The following NOVA2 variants were observed in gnomAD, a reference collection of about 807,000 sequenced individuals.
NOVA2 encodes the protein RNA-binding protein Nova-2.
Under a neutral mutation model 22.5 loss-of-function variants are expected in NOVA2, and 9 were observed. The ratio of observed to expected loss-of-function variants is 0.40; its 90% CI spans 0.24 to 0.70. The LOEUF is 0.70. Ranked by LOEUF, NOVA2 falls within the 30% of genes least tolerant of loss-of-function variation. NOVA2 has a pLI of 0.38. For synonymous variants in NOVA2, 318 were observed against 335.2 expected (o/e 0.95, Z 0.56); for missense variants, 383 against 682.8 (o/e 0.56, Z 4.89).
rs549988242 is a variant in NOVA2, at chr19:45,953,030, G to T, written c.396+750C>A. Reference sequence around the variant, plus strand: ...ATTGCACGGAGTACGCATGCATAGGGGAGTGGGGACGGGAGAGAAAACGGG... The same window carrying T: ...ATTGCACGGAGTACGCATGCATAGGTGAGTGGGGACGGGAGAGAAAACGGG... On this transcript the variant is annotated intron_variant, in intron 3 of 3. Transcript: ENST00000263257. Among the ~76,000 whole-genome samples the T allele has an allele frequency of 3.1e-4, 47 of 152,396 alleles. No homozygotes were observed. In the Middle Eastern group the frequency reaches 0.01, roughly 33 times the overall value.
chr19:45,944,465 AAAAC>A (rs1967808121), intron 3 of NOVA2, among the ~76,000 whole-genome samples: 1 of 152,172 alleles, frequency 6.6e-6, no homozygotes, highest in Non-Finnish European at 1.5e-5. Flanking sequence ...ACAAAAAACA[AAAAC>A]AACAACAAAG....
At chr19:45,956,332 A>C (rs1481337883) in intron 2 of NOVA2, among the ~76,000 whole-genome samples, 1 of 152,118 alleles carries the variant, frequency 6.6e-6, no homozygotes, top group Non-Finnish European at 1.5e-5. Flanking sequence ...CAACTCAGGA[A>C]GTCTTTGACC....
At position 45,973,294 on chromosome 19, in the gene NOVA2, C is replaced by A; in HGVS notation, c.58G>T (p.Val20Phe). ...CCCGTGTTGCTGCGCTTGGTGCAGA[C>A]CACCTCGGGGGGCGTTTCGAGGGGC... ...KRPLETPPEV[V>F]CTKRSNTGEE... The change falls in exon 1 of 4, where the codon GTC becomes TTC. Residue 20 changes from valine to phenylalanine, a missense_variant. By Grantham distance (50) the Val-to-Phe change is conservative. Around this residue, in one of 2 missense-constraint regions of NOVA2, gnomAD observed 349 missense variants for 578.1 expected, o/e 0.60. Transcript: ENST00000263257. 7.2e-7 allele frequency: 1 copy of A among 1,394,154 alleles called. No homozygotes were observed. The highest frequency in any genetic ancestry group is 9.4e-7 in the Non-Finnish European group (1 of 1,065,804). 86.4% of individuals were successfully genotyped at this position (1,394,154 alleles called of 1,614,324 possible).
chr19:45,949,821 A>G (rs1600604339), intron 3 of NOVA2, among the ~76,000 whole-genome samples: 1 of 149,592 alleles, frequency 6.7e-6, no homozygotes, highest in African/African-American at 2.5e-5. Context: ...CCTCACTGCA[A>G]CCTCTGCCTC....
At chr19:45,960,946 A>G (rs1415482359) in intron 2 of NOVA2, 64 bp downstream of exon 2, 2 of 1,493,784 alleles carry the variant, frequency 1.3e-6, no homozygotes, top group South Asian at 2.5e-5. Flanking sequence ...TCTAGGGCCC[A>G]GGTGGGAGGG....
intron 2 of NOVA2, 58 bp from the exon 3 acceptor site, chr19:45,954,004 A>T: frequency 6.4e-7 from 1 of 1,558,148 alleles, no homozygotes; most frequent in South Asian, 1.1e-5. Context: ...AACATTCCTG[A>T]GAGACAGGCC....
chr19:45,959,153 G>A (rs1161952046), intron 2 of NOVA2, among the ~76,000 whole-genome samples: 1 of 152,270 alleles, frequency 6.6e-6, no homozygotes, highest in Non-Finnish European at 1.5e-5. Flanking sequence ...GTCACGCCAG[G>A]AGTGGAGGGA....
chr19:45,953,524 T>C (rs925992542), intron 3 of NOVA2, among the ~76,000 whole-genome samples: 5 of 152,076 alleles, frequency 3.3e-5, no homozygotes, highest in African/African-American at 1.2e-4. Context: ...GATCGAACAA[T>C]AGGGAATCAT....
At chr19:45,964,780 C>T (rs753526938) in intron 1 of NOVA2, among the ~76,000 whole-genome samples, 2 of 152,036 alleles carry the variant, frequency 1.3e-5, no homozygotes, top group Admixed American at 6.6e-5. Flanking sequence ...AGGCTGGTCT[C>T]GAACTCCTGA....
chr19:45,951,998 G>A (rs979139306), intron 3 of NOVA2, among the ~76,000 whole-genome samples: 2 of 152,094 alleles, frequency 1.3e-5, no homozygotes, highest in Non-Finnish European at 2.9e-5. Context: ...CAACCCTCAA[G>A]GCTTTTGTTA....
chr19:45,969,650 A>G (rs1273452216), intron 1 of NOVA2, among the ~76,000 whole-genome samples: 2 of 151,746 alleles, frequency 1.3e-5, no homozygotes, highest in African/African-American at 4.8e-5. Flanking sequence ...AGGTGGGAAT[A>G]TAGTCAGGAG....
At chr19:45,960,142 G>A (rs1968073841) in intron 2 of NOVA2, among the ~76,000 whole-genome samples, 1 of 151,766 alleles carries the variant, frequency 6.6e-6, no homozygotes, top group South Asian at 2.1e-4. Flanking sequence ...GGGTTTGGAG[G>A]AAGGGAAGAA....
Position 45,940,598 on chromosome 19 carries a change from G to A in NOVA2, c.744C>T (p.Ala248=), listed in dbSNP as rs1181356586. The change falls in exon 4 of 4, where the codon GCC becomes GCT. Residue 248 remains alanine, a synonymous_variant. Coordinates refer to ENST00000263257, the MANE Select transcript of NOVA2 (RefSeq NM_002516.4). ...LPAAAAASAA[A]ASGLLGPAGL... Reference sequence around the variant, plus strand: ...CGGCGGGGCCCAGCAGGCCGGAGGCGGCGGCGGCCGACGCTGCGGCCGCGG... The same window carrying A: ...CGGCGGGGCCCAGCAGGCCGGAGGCAGCGGCGGCCGACGCTGCGGCCGCGG... 2.1e-6 allele frequency: 3 copies of A among 1,419,980 alleles called. No homozygotes were observed. Among genetic ancestry groups the A allele is most frequent in the Admixed American group, 3.5e-5 (1 of 28,382 alleles). 88.0% of individuals were successfully genotyped at this position (1,419,980 alleles called of 1,614,324 possible).
intron 1 of NOVA2, among the ~76,000 whole-genome samples, chr19:45,965,558 C>G (rs981087487): frequency 6.6e-6 from 1 of 152,106 alleles, no homozygotes; most frequent in Non-Finnish European, 1.5e-5. Flanking sequence ...GTGAAACTCC[C>G]GTCTCCACTA....
intron 1 of NOVA2, among the ~76,000 whole-genome samples, chr19:45,964,806 C>A (rs935688984): frequency 1.3e-5 from 2 of 152,144 alleles, no homozygotes; most frequent in African/African-American, 4.8e-5. Flanking sequence ...AGGGATCCAA[C>A]TGCCTGGGCC....
intron 3 of NOVA2, among the ~76,000 whole-genome samples, chr19:45,951,114 C>A (rs1967918528): frequency 6.6e-6 from 1 of 152,168 alleles, no homozygotes; most frequent in Non-Finnish European, 1.5e-5. Context: ...CCAGAAGTGG[C>A]AATCTGGTGA....
chr19:45,940,498 C>A lies in NOVA2; in HGVS notation c.844G>T (p.Ala282Ser). 1 of 1,524,920 alleles carries A rather than the reference C, an allele frequency of 6.6e-7. No homozygotes were observed. The highest frequency in any genetic ancestry group is 8.8e-7 in the Non-Finnish European group (1 of 1,136,766). 94.5% of individuals were successfully genotyped at this position (1,524,920 alleles called of 1,614,324 possible). Residue 282 changes from alanine (A) to serine (S), a missense_variant, in exon 4 of 4, where the codon GCG (alanine) becomes TCG (serine). By Grantham distance (99) the Ala-to-Ser change is moderately conservative (BLOSUM62 1). Coordinates refer to ENST00000263257, the MANE Select transcript of NOVA2 (RefSeq NM_002516.4). ...SGTDLLAIST[A>S]LNTLASYGYN... ...CCGTAACTTGCCAGCGTGTTAAGCG[C>A]CGTGCTGATGGCCAGCAGGTCGGTG...
intron 3 of NOVA2, among the ~76,000 whole-genome samples, chr19:45,949,275 G>A (rs1364833640): frequency 7.0e-6 from 1 of 143,712 alleles, no homozygotes; most frequent in Non-Finnish European, 1.5e-5. Flanking sequence ...CTTCTAAACA[G>A]TAAAGCTTAC....
At chr19:45,972,662 G>GGCACACAAACACACACAC (rs1476000907) in intron 1 of NOVA2, among the ~76,000 whole-genome samples, 1 of 151,746 alleles carries the variant, frequency 6.6e-6, no homozygotes, top group Non-Finnish European at 1.5e-5. Flanking sequence ...GGCTGTAGAG[G>GGCACACAAACACACACAC]GCACACATAC....
Sources: gnomAD v4.1 joint callset for allele counts (sites outside exome capture counted in the v4.1 genomes callset) on GRCh38, gnomAD v4.1.1 for gene constraint, gnomAD v4.1.1 regional missense constraint, MANE v1.5 for transcripts, NCBI Gene and HGNC (gene_info 2026-07-23, HGNC 2026-07-21) for gene names.